KLC2: variants seen among roughly 807,000 people sequenced by gnomAD.
The protein encoded by KLC2 is kinesin light chain 2.
In KLC2, 35 loss-of-function variants were observed where a neutral mutation model predicts 75.1. The ratio of observed to expected loss-of-function variants is 0.47; its 90% CI spans 0.36 to 0.62. The LOEUF (loss-of-function observed/expected upper bound fraction) is 0.62, where lower values mean the gene tolerates loss of function less well. Ranked by LOEUF, KLC2 falls within the 20% of genes least tolerant of loss-of-function variation. KLC2 has a pLI of 0.00. For synonymous variants in KLC2, 314 were observed against 336.7 expected (o/e 0.93, Z 0.74); for missense variants, 611 against 833.2 (o/e 0.73, Z 3.28).
the KLC2 span, among the ~76,000 whole-genome samples, chr11:66,248,135 C>T: frequency 1.3e-5 from 2 of 152,170 alleles, no homozygotes; most frequent in South Asian, 2.1e-4. Context: ...CTAACCTGCA[C>T]GCCAACTCCA....
rs1302275544 is a variant in KLC2 at position 66,263,715 on chromosome 11, C to T, written c.808C>T (p.Arg270Trp). Residue 270 changes from arginine to tryptophan, a missense_variant, in exon 6 of 16, where the codon CGG (arginine) becomes TGG (tryptophan). Physicochemically the swap from Arg to Trp is moderately radical, Grantham distance 101 (BLOSUM62 -3). Transcript: ENST00000394067. ...CCTGCTCAATGATGCTCTGGCCATC[C>T]GGGAGAAAACACTGGGCAAGGACCA... ...AHLLNDALAI[R>W]EKTLGKDHPA... The T allele has an allele frequency of 1.2e-6, 2 of 1,613,986 alleles. No homozygotes were observed. The highest frequency in any genetic ancestry group is 8.5e-7 in the Non-Finnish European group (1 of 1,179,900).
intron 13 of KLC2, 31 bp from the exon 14 acceptor site, chr11:66,266,062 G>A (rs773818851): frequency 1.2e-5 from 19 of 1,613,686 alleles, no homozygotes; most frequent in East Asian, 4.5e-5. Context: ...GGTGGCCAGC[G>A]GGGCCTAGAG....
In KLC2 at chr11:66,265,879, A is replaced by C. The variant is rs1856786097; in HGVS notation, c.1469A>C (p.Lys490Thr). 6.3e-7 allele frequency: 1 copy of C among 1,576,288 alleles called. No individual in the cohort carries two copies. The highest frequency in any genetic ancestry group is 2.3e-5 in the East Asian group (1 of 44,372). Reference sequence around the variant, plus strand: ...GGTTTGGACCCCGCAAGCCAGACCAAGGTGGTAGAACTGCTGAAAGATGGC... The same window carrying C: ...GGTTTGGACCCCGCAAGCCAGACCACGGTGGTAGAACTGCTGAAAGATGGC... ...KQGLDPASQT[K>T]VVELLKDGSG... The change falls in exon 13 of 16, where the codon AAG (lysine) becomes ACG (threonine). Residue 490 changes from lysine (K) to threonine (T), a missense_variant. Lys to Thr is a moderately conservative substitution (Grantham distance 78). Coordinates refer to ENST00000394067, the MANE Select transcript of KLC2 (RefSeq NM_001318734.2).
chr11:66,247,193 C>T, the KLC2 span, among the ~76,000 whole-genome samples: 3 of 152,188 alleles, frequency 2.0e-5, no homozygotes, highest in Non-Finnish European at 4.4e-5. Flanking sequence ...GTGCCTTGCC[C>T]CTTCCTCTAC....
intron 8 of KLC2, 51 bp from the exon 9 acceptor site, chr11:66,264,283 GAAGGAGAGAAA>G: frequency 6.4e-7 from 1 of 1,569,870 alleles, no homozygotes; most frequent in Non-Finnish European, 8.7e-7. Context: ...GGTTGGGGAA[GAAGGAGAGAAA>G]AAGGCTTGGC....
chr11:66,253,576 T>TC (rs1230823680), upstream of KLC2, among the ~76,000 whole-genome samples: 1 of 152,180 alleles, frequency 6.6e-6, no homozygotes, highest in East Asian at 1.9e-4. Flanking sequence ...TCCTTTATTC[T>TC]CCATTTACTG....
In KLC2 at chr11:66,267,829, T is replaced by C. The variant is rs1856954609; in HGVS notation, c.*873T>C. On this transcript the variant is annotated 3_prime_UTR_variant, in exon 16 of 16. Coordinates refer to ENST00000394067, the MANE Select transcript of KLC2 (RefSeq NM_001318734.2). ...GCGGCTGCTCTCATATTTTCAGATGTTGCTGTAGAAATAAAGACGGTTTAA... is the reference window on the plus strand; with the variant it reads ...GCGGCTGCTCTCATATTTTCAGATGCTGCTGTAGAAATAAAGACGGTTTAA... The C allele has an allele frequency of 2.3e-6, 1 of 439,406 alleles. No homozygotes were observed. Among genetic ancestry groups the C allele is most frequent in the African/African-American group, 2.1e-5 (1 of 48,778 alleles). The allele number at this position is 439,406 out of a possible 1,614,324, so 27.2% of individuals were successfully genotyped here. A position where few individuals can be genotyped will look rare whatever the true frequency, so the allele number is the denominator to read the frequency against.
chr11:66,266,583 C>A, intron 15 of KLC2, 93 bp downstream of exon 15: 1 of 1,301,430 alleles, frequency 7.7e-7, no homozygotes, highest in Non-Finnish European at 1.1e-6. Flanking sequence ...CTTCATCCAG[C>A]AACAGTTCCT....
the KLC2 span, chr11:66,244,520 C>G: frequency 6.6e-6 from 1 of 152,432 alleles, no homozygotes; most frequent in Non-Finnish European, 1.5e-5. Flanking sequence ...CCCTTTGGAG[C>G]TTTTCTCTTG....
Position 66,258,738 on chromosome 11 carries a change from C to A in KLC2, c.144C>A (p.Gly48=). ...CTCCTCTGGTTGCACCTGAGGCCGG[C>A]GAAGCCGAGCCTGGCTCGCAGGAGC... The part of the protein sequence containing the change: ...LLAPLVAPEA[G]EAEPGSQERC... Residue 48 remains glycine (G), a synonymous_variant, in exon 2 of 16, where the codon GGC becomes GGA. Coordinates refer to ENST00000394067, the MANE Select transcript of KLC2 (RefSeq NM_001318734.2). 2.5e-6 allele frequency: 4 copies of A among 1,613,266 alleles called. No individual in the cohort carries two copies. Among genetic ancestry groups the A allele is most frequent in the Non-Finnish European group, 3.4e-6 (4 of 1,179,994 alleles).
At position 66,261,667 on chromosome 11, in the gene KLC2, C is replaced by T. The variant is rs369663230; in HGVS notation, c.229-75C>T. 298 of 950,160 alleles carry T rather than the reference C, an allele frequency of 3.1e-4. 3 individuals are homozygous for T. The East Asian group carries it at 6.7e-3, about 21-fold the overall frequency. The allele number at this position is 950,160 out of a possible 1,614,324, so 58.9% of individuals were successfully genotyped here. A position where few individuals can be genotyped will look rare whatever the true frequency, so the allele number is the denominator to read the frequency against. ...CTGGCCCTTCACTGGGTGCCAGAGC[C>T]CAACTAGGCCCAGGCTACAGTCATA... On this transcript the variant is annotated intron_variant, in intron 2 of 15. Coordinates refer to ENST00000394067, the MANE Select transcript of KLC2 (RefSeq NM_001318734.2).
intron 2 of KLC2, among the ~76,000 whole-genome samples, chr11:66,260,302 G>T (rs1374547158): frequency 1.3e-5 from 2 of 152,196 alleles, no homozygotes; most frequent in African/African-American, 4.8e-5. Flanking sequence ...TTGGCCGTCA[G>T]AGGTAGAGAG....
chr11:66,263,790 C>A (rs1237463498), intron 6 of KLC2, 43 bp downstream of exon 6: 1 of 1,603,370 alleles, frequency 6.2e-7, no homozygotes, highest in Non-Finnish European at 8.5e-7. Context: ...TGCCCCATCC[C>A]CTGCAGGTCC....
At chr11:66,263,207 G>A in intron 5 of KLC2, 171 bp downstream of exon 5, 1 of 604,232 alleles carries the variant, frequency 1.7e-6, no homozygotes, top group Middle Eastern at 4.1e-4. Flanking sequence ...AACTGGGGAG[G>A]GACTGCACAT....
chr11:66,262,662 C>T (rs1856516455), intron 4 of KLC2, 152 bp from the exon 5 acceptor site: 1 of 631,008 alleles, frequency 1.6e-6, no homozygotes. Flanking sequence ...TATGGGGTAA[C>T]TAGACCCATT....
At chr11:66,262,485 A>G (rs1450573485) in intron 4 of KLC2, 1 of 548,776 alleles carries the variant, frequency 1.8e-6, no homozygotes, top group East Asian at 3.0e-5. Context: ...CCTCTGAAGG[A>G]GGCACATGCA....
At chr11:66,246,322 G>C in the KLC2 span, 16 of 152,264 alleles carry the variant, frequency 1.1e-4, no homozygotes, top group African/African-American at 3.9e-4. Context: ...GAGGGGGTGG[G>C]ACAAGTAGAC....
rs1341533219 is a variant in KLC2 at position 66,261,883 on chromosome 11, G to A, written c.370G>A (p.Glu124Lys). The A allele has an allele frequency of 6.2e-7, 1 of 1,614,184 alleles. No individual in the cohort carries two copies. Among genetic ancestry groups the A allele is most frequent in the African/African-American group, 1.3e-5 (1 of 75,044 alleles). ...AGTQQKLQRS[E>K]QAVAQLEEEK... ...GACACAGCAGAAGCTGCAGCGCAGT[G>A]AGCAGGCCGTGGCCCAGCTCGAGGA... The change falls in exon 3 of 16, where the codon GAG (glutamate) becomes AAG (lysine). Residue 124 changes from glutamate (E) to lysine (K), a missense_variant. By Grantham distance (56) the Glu-to-Lys change is moderately conservative (BLOSUM62 1). Coordinates refer to ENST00000394067, the MANE Select transcript of KLC2 (RefSeq NM_001318734.2).
At position 66,266,479 on chromosome 11, in the gene KLC2, G is replaced by C; in HGVS notation, c.1774G>C (p.Glu592Gln). ...SLNFLNKSVE[E>Q]PTQPGGTGLS... ...CAACTTCCTCAACAAGAGCGTGGAA[G>C]AGCCGACCCAGGTAGGGGCAGGCGG... Residue 592 changes from glutamate (E) to glutamine (Q), a missense_variant, in exon 15 of 16, where the codon GAG (glutamate) becomes CAG (glutamine). Physicochemically the swap from Glu to Gln is conservative, Grantham distance 29. Transcript: ENST00000394067. 1 of 1,613,808 alleles carries C rather than the reference G, an allele frequency of 6.2e-7. No homozygotes were observed. The highest frequency in any genetic ancestry group is 8.5e-7 in the Non-Finnish European group (1 of 1,179,838).
Sources: gnomAD v4.1 joint callset for allele counts (sites outside exome capture counted in the v4.1 genomes callset) on GRCh38, gnomAD v4.1.1 for gene constraint, MANE v1.5 for transcripts, NCBI Gene and HGNC (gene_info 2026-07-23, HGNC 2026-07-21) for gene names.